SCHIP1: variants seen among roughly 807,000 people sequenced by gnomAD.
The protein encoded by SCHIP1 is schwannomin interacting protein 1, also known as schwannomin-interacting protein 1.
Under a neutral mutation model 29.7 loss-of-function variants are expected in SCHIP1, and 8 were observed. That is an observed-to-expected ratio of 0.27 (90% CI 0.16 to 0.49). The LOEUF (loss-of-function observed/expected upper bound fraction) is 0.49. SCHIP1 is among the 20% of genes least tolerant of loss of function. SCHIP1 has a pLI of 0.99. For synonymous variants in SCHIP1, 76 were observed against 94.9 expected (o/e 0.80, Z 1.16); for missense variants, 193 against 294.6 (o/e 0.66, Z 2.52).
the SCHIP1 span, among the ~76,000 whole-genome samples, chr3:159,566,487 A>G: frequency 6.6e-6 from 1 of 152,208 alleles, no homozygotes; most frequent in Non-Finnish European, 1.5e-5. Flanking sequence ...GAAAATAAAT[A>G]GAATGTACAT....
chr3:159,422,754 G>T, the SCHIP1 span, among the ~76,000 whole-genome samples: 22 of 152,234 alleles, frequency 1.4e-4, no homozygotes, highest in African/African-American at 5.3e-4. Context: ...TATATATTCT[G>T]CATTGGATTT....
chr3:159,750,257 GTGTGTGTATATATATA>G, the SCHIP1 span, among the ~76,000 whole-genome samples: 659 of 135,090 alleles, frequency 4.9e-3, 3 homozygotes, highest in African/African-American at 0.018. Context: ...GTGTGTATGT[GTGTGTGTATATATATA>G]TATATATATA....
the SCHIP1 span, among the ~76,000 whole-genome samples, chr3:159,393,671 A>ATATATCTGTT: frequency 6.7e-6 from 1 of 150,264 alleles, no homozygotes; most frequent in African/African-American, 2.4e-5. Flanking sequence ...CCATTGATCT[A>ATATATCTGTT]TATATCTGTT....
chr3:159,284,616 G>A, the SCHIP1 span, among the ~76,000 whole-genome samples: 4 of 152,106 alleles, frequency 2.6e-5, no homozygotes, highest in Admixed American at 6.6e-5. Flanking sequence ...AGCCTTCTGA[G>A]TAGCTGGGAT....
At chr3:159,418,620 CTA>C in the SCHIP1 span, among the ~76,000 whole-genome samples, 4 of 152,188 alleles carry the variant, frequency 2.6e-5, no homozygotes, top group Non-Finnish European at 4.4e-5. Flanking sequence ...ATTGTCATCA[CTA>C]TGTTTTGATA....
chr3:159,860,219 G>A (rs1317057217), intron 1 of SCHIP1, among the ~76,000 whole-genome samples: 1 of 152,112 alleles, frequency 6.6e-6, no homozygotes, highest in East Asian at 1.9e-4. Flanking sequence ...TAGCATTGGT[G>A]GCAAGTATTT....
the SCHIP1 span, among the ~76,000 whole-genome samples, chr3:159,802,487 C>T: frequency 6.6e-6 from 1 of 152,190 alleles, no homozygotes. Flanking sequence ...AAGCAGTCAT[C>T]TTCAATAGAT....
the SCHIP1 span, among the ~76,000 whole-genome samples, chr3:159,600,271 G>C: frequency 1.7e-3 from 261 of 152,290 alleles, 1 homozygote; most frequent in African/African-American, 6.1e-3. Context: ...CCAAATGTAA[G>C]TTTTCATCTA....
At chr3:159,668,036 A>C in the SCHIP1 span, among the ~76,000 whole-genome samples, 1 of 152,224 alleles carries the variant, frequency 6.6e-6, no homozygotes, top group Non-Finnish European at 1.5e-5. Context: ...ACTTAGCAAC[A>C]GCCAAGGGCC....
chr3:159,392,316 C>T, the SCHIP1 span, among the ~76,000 whole-genome samples: 2 of 151,906 alleles, frequency 1.3e-5, no homozygotes, highest in African/African-American at 4.8e-5. Flanking sequence ...TCTTTTTTTC[C>T]TTTTATTATT....
At chr3:159,624,792 C>T in the SCHIP1 span, among the ~76,000 whole-genome samples, 1 of 152,094 alleles carries the variant, frequency 6.6e-6, no homozygotes, top group South Asian at 2.1e-4. Context: ...ACTAGAAGAG[C>T]CTTCCAACGA....
At chr3:159,340,692 C>T in the SCHIP1 span, among the ~76,000 whole-genome samples, 60 of 152,126 alleles carry the variant, frequency 3.9e-4, no homozygotes, top group African/African-American at 1.2e-3. Context: ...TGGAAAACTC[C>T]AGCCTCCAGG....
the SCHIP1 span, among the ~76,000 whole-genome samples, chr3:159,285,694 GTAA>G: frequency 2.0e-5 from 3 of 151,930 alleles, no homozygotes; most frequent in African/African-American, 7.3e-5. Context: ...TTACAGATGT[GTAA>G]TAATAATACA....
At chr3:159,295,950 A>G in the SCHIP1 span, among the ~76,000 whole-genome samples, 1 of 152,230 alleles carries the variant, frequency 6.6e-6, no homozygotes, top group East Asian at 1.9e-4. Flanking sequence ...AGTAAAATGA[A>G]GGTTAAATGT....
chr3:159,554,756 G>T, the SCHIP1 span, among the ~76,000 whole-genome samples: 2 of 151,946 alleles, frequency 1.3e-5, no homozygotes, highest in African/African-American at 4.8e-5. Flanking sequence ...GCTTCCTGGA[G>T]TTGCTCATCT....
upstream of SCHIP1, among the ~76,000 whole-genome samples, chr3:159,837,595 C>T (rs1184421446): frequency 6.6e-6 from 1 of 152,036 alleles, no homozygotes; most frequent in African/African-American, 2.4e-5. Flanking sequence ...TGGTGGTGCG[C>T]CCCTGTAGTC....
At chr3:159,632,736 A>G in the SCHIP1 span, among the ~76,000 whole-genome samples, 1 of 152,186 alleles carries the variant, frequency 6.6e-6, no homozygotes. Flanking sequence ...ACTGAAGGGC[A>G]ACTGAACTGC....
chr3:159,644,394 C>T, the SCHIP1 span, among the ~76,000 whole-genome samples: 23 of 152,090 alleles, frequency 1.5e-4, no homozygotes, highest in East Asian at 2.1e-3. Context: ...TATCTGGGTA[C>T]GTATGACAGA....
chr3:159,666,734 T>C, the SCHIP1 span, among the ~76,000 whole-genome samples: 1 of 152,226 alleles, frequency 6.6e-6, no homozygotes, highest in Non-Finnish European at 1.5e-5. Flanking sequence ...CTTAAGAGCA[T>C]AACTCCTTTT....
Sources: gnomAD v4.1 joint callset for allele counts (sites outside exome capture counted in the v4.1 genomes callset) on GRCh38, gnomAD v4.1.1 for gene constraint, MANE v1.5 for transcripts, NCBI Gene and HGNC (gene_info 2026-07-23, HGNC 2026-07-21) for gene names.